The following ATG10 variants were observed in gnomAD, a reference collection of about 807,000 sequenced individuals.
ATG10 encodes ubiquitin-like-conjugating enzyme ATG10.
In ATG10, 30 loss-of-function variants were observed where a neutral mutation model predicts 32.1. The observed-to-expected ratio is 0.94, with a 90% CI of 0.70 to 1.27. The LOEUF is 1.27. ATG10 is among the 50% of genes most tolerant of loss of function. The pLI is 0.00. For synonymous variants in ATG10, 87 were observed against 91.5 expected (o/e 0.95, Z 0.28); for missense variants, 233 against 262.3 (o/e 0.89, Z 0.77).
At chr5:82,066,865 T>A (rs894424965) in intron 3 of ATG10, among the ~76,000 whole-genome samples, 1 of 152,182 alleles carries the variant, frequency 6.6e-6, no homozygotes, top group Non-Finnish European at 1.5e-5. Flanking sequence ...TAACAATTTA[T>A]CTGTAAAGCA....
chr5:82,253,384 T>C lies in ATG10; in HGVS notation c.622T>C (p.Tyr208His), dbSNP rs1429550291. The change falls in exon 7 of 8, where the codon TAT becomes CAT. Residue 208 changes from tyrosine (Y) to histidine (H), a missense_variant. Physicochemically the swap from Tyr to His is moderately conservative, Grantham distance 83 (BLOSUM62 2). Transcript: ENST00000282185. ...PVVGLNLPLS[Y>H]AKATSQDERN... ...TGTTGGGCTGAATCTACCTCTGAGTTATGCCAAAGCAACGTCTCAGGATGA... is the reference window on the plus strand; with the variant it reads ...TGTTGGGCTGAATCTACCTCTGAGTCATGCCAAAGCAACGTCTCAGGATGA... 8 of 1,611,866 alleles carry C rather than the reference T, an allele frequency of 5.0e-6. No individual in the cohort carries two copies. The highest frequency in any genetic ancestry group is 6.8e-6 in the Non-Finnish European group (8 of 1,178,000).
At chr5:82,097,071 G>T (rs372279844) in intron 3 of ATG10, among the ~76,000 whole-genome samples, 1 of 151,990 alleles carries the variant, frequency 6.6e-6, no homozygotes, top group Admixed American at 6.5e-5. Context: ...ATTATGGTTC[G>T]TTATATCTAA....
chr5:82,210,496 C>A (rs1745453019), intron 5 of ATG10, among the ~76,000 whole-genome samples: 1 of 152,206 alleles, frequency 6.6e-6, no homozygotes, highest in Non-Finnish European at 1.5e-5. Context: ...CCTTGGTATA[C>A]CCTGAACTTT....
intron 2 of ATG10, among the ~76,000 whole-genome samples, chr5:82,028,181 G>T (rs1324117735): frequency 6.6e-6 from 1 of 152,180 alleles, no homozygotes; most frequent in African/African-American, 2.4e-5. Context: ...CGTTATATTG[G>T]ATGGGATAAA....
At chr5:81,998,574 A>G (rs1172106158) in intron 2 of ATG10, among the ~76,000 whole-genome samples, 2 of 152,256 alleles carry the variant, frequency 1.3e-5, no homozygotes, top group Non-Finnish European at 2.9e-5. Flanking sequence ...AAATGCCCCA[A>G]TTAAAAGGCA....
chr5:82,025,434 C>T (rs1762565938), intron 2 of ATG10, among the ~76,000 whole-genome samples: 1 of 152,150 alleles, frequency 6.6e-6, no homozygotes, highest in Non-Finnish European at 1.5e-5. Context: ...TTCAGTATAG[C>T]ATTCAAGAAA....
At chr5:82,035,034 C>T (rs1367671321) in intron 2 of ATG10, among the ~76,000 whole-genome samples, 1 of 152,078 alleles carries the variant, frequency 6.6e-6, no homozygotes, top group Non-Finnish European at 1.5e-5. Flanking sequence ...GCTTCAGCCT[C>T]CTGAGTAGCT....
At chr5:82,166,199 G>A (rs550754731) in intron 4 of ATG10, among the ~76,000 whole-genome samples, 53 of 152,062 alleles carry the variant, frequency 3.5e-4, no homozygotes, top group African/African-American at 1.0e-3. Context: ...CTTTCTTCAC[G>A]ATTTTCTATT....
chr5:82,146,089 A>C (rs1767347264), intron 3 of ATG10, among the ~76,000 whole-genome samples: 1 of 152,042 alleles, frequency 6.6e-6, no homozygotes, highest in Non-Finnish European at 1.5e-5. Context: ...CTGTGCTATT[A>C]TTTCTCTTCA....
intron 3 of ATG10, among the ~76,000 whole-genome samples, chr5:82,080,219 T>G (rs1764426035): frequency 6.6e-6 from 1 of 152,234 alleles, no homozygotes; most frequent in Non-Finnish European, 1.5e-5. Flanking sequence ...GGTTGTTTTT[T>G]TCTTGTAAAT....
intron 4 of ATG10, among the ~76,000 whole-genome samples, chr5:82,170,256 C>A (rs10068160): frequency 0.81 from 122,947 of 152,172 alleles, 50,043 homozygotes; most frequent in East Asian, 0.99. Flanking sequence ...ACTATTGGCA[C>A]AATGAGCCCT....
chr5:82,201,455 A>G (rs951735740), intron 5 of ATG10, among the ~76,000 whole-genome samples: 3 of 152,100 alleles, frequency 2.0e-5, no homozygotes, highest in Non-Finnish European at 4.4e-5. Context: ...AAATCAATTG[A>G]CCATATTTGA....
At chr5:82,166,288 G>T (rs1743578553) in intron 4 of ATG10, among the ~76,000 whole-genome samples, 1 of 152,082 alleles carries the variant, frequency 6.6e-6, no homozygotes, top group African/African-American at 2.4e-5. Flanking sequence ...CCTTATAAAG[G>T]TAAACCAAAA....
chr5:81,995,666 A>G (rs528795093), intron 2 of ATG10, among the ~76,000 whole-genome samples: 1 of 152,346 alleles, frequency 6.6e-6, no homozygotes, highest in East Asian at 1.9e-4. Flanking sequence ...ATAATTATAT[A>G]AACACTAAAG....
intron 2 of ATG10, among the ~76,000 whole-genome samples, chr5:82,004,188 A>G (rs1420116423): frequency 6.6e-6 from 1 of 152,194 alleles, no homozygotes; most frequent in Non-Finnish European, 1.5e-5. Flanking sequence ...TAAGCCCCTA[A>G]TGAAATGAAT....
chr5:82,251,794 A>C (rs895565333), intron 5 of ATG10, among the ~76,000 whole-genome samples: 3 of 152,164 alleles, frequency 2.0e-5, no homozygotes, highest in African/African-American at 7.2e-5. Context: ...AGGGCTCCCC[A>C]TTGCTTGCCA....
At chr5:82,130,106 G>T (rs1173796083) in intron 3 of ATG10, among the ~76,000 whole-genome samples, 2 of 152,160 alleles carry the variant, frequency 1.3e-5, no homozygotes, top group Non-Finnish European at 2.9e-5. Context: ...GGCGGGCTCC[G>T]CCCAGTTTGA....
intron 3 of ATG10, among the ~76,000 whole-genome samples, chr5:82,102,834 A>ATCC (rs1443247889): frequency 6.7e-6 from 1 of 150,312 alleles, no homozygotes; most frequent in Non-Finnish European, 1.5e-5. Context: ...TAGCTGGTTA[A>ATCC]TCCTCCTCTT....
chr5:81,984,925 T>A (rs1761209020), intron 1 of ATG10, among the ~76,000 whole-genome samples: 1 of 152,238 alleles, frequency 6.6e-6, no homozygotes, highest in Admixed American at 6.5e-5. Context: ...TACTTCCTAA[T>A]TTTGTAATCA....
Sources: allele counts gnomAD v4.1 joint callset (sites outside exome capture counted in the v4.1 genomes callset), GRCh38; gene constraint gnomAD v4.1.1; transcripts MANE v1.5; gene names NCBI Gene and HGNC (gene_info 2026-07-23, HGNC 2026-07-21).